The following FCF1 variants were observed in gnomAD, a reference collection of about 807,000 sequenced individuals.
FCF1 encodes the protein rRNA-processing protein FCF1 homolog.
Under a neutral mutation model 32.5 loss-of-function variants are expected in FCF1, and 17 were observed. The ratio of observed to expected loss-of-function variants is 0.52; its 90% confidence interval spans 0.36 to 0.78. FCF1 has a LOEUF of 0.78. FCF1 is among the 30% of genes least tolerant of loss of function. The pLI, the probability that FCF1 is intolerant of heterozygous loss-of-function variation, is 0.00. For missense variants in FCF1, 201 were observed against 241.1 expected (o/e 0.83, Z 1.10); for synonymous variants, 84 against 78.4 (o/e 1.07, Z -0.38).
intron 4 of FCF1, among the ~76,000 whole-genome samples, 187 bp from the exon 5 acceptor site, chr14:74,723,085 G>A (rs1352093773): frequency 6.6e-6 from 1 of 152,122 alleles, no homozygotes; most frequent in Non-Finnish European, 1.5e-5. Context: ...TCTGCAGTTT[G>A]GGGTTGGGAC....
intron 5 of FCF1, among the ~76,000 whole-genome samples, chr14:74,730,230 A>T (rs1210580105): frequency 3.7e-5 from 4 of 106,984 alleles, no homozygotes; most frequent in Non-Finnish European, 5.8e-5. Flanking sequence ...TTTTTTTTTT[A>T]AAGACAGATT....
intron 6 of FCF1, 114 bp downstream of exon 6, chr14:74,732,932 TA>T (rs957638729): frequency 4.5e-4 from 272 of 610,396 alleles, no homozygotes; most frequent in South Asian, 7.7e-4. Flanking sequence ...ATGGTTAAAT[TA>T]AAAAAAAATT....
chr14:74,721,903 T>G (rs2090509131), intron 4 of FCF1, among the ~76,000 whole-genome samples: 1 of 152,234 alleles, frequency 6.6e-6, no homozygotes, highest in East Asian at 1.9e-4. Context: ...TTCTTTAGGA[T>G]ACATTGTCTG....
chr14:74,731,167 G>A (rs991233803), intron 5 of FCF1, among the ~76,000 whole-genome samples: 11 of 152,066 alleles, frequency 7.2e-5, no homozygotes, highest in Admixed American at 4.6e-4. Flanking sequence ...AATAAAGAAT[G>A]AGAGGGGAAA....
At chr14:74,727,487 A>G (rs1370499920) in intron 5 of FCF1, among the ~76,000 whole-genome samples, 1 of 151,814 alleles carries the variant, frequency 6.6e-6, no homozygotes, top group Non-Finnish European at 1.5e-5. Flanking sequence ...GTTTGAGTTC[A>G]TTGTAGATTC....
chr14:74,733,123 C>G (rs2090659677), intron 6 of FCF1, among the ~76,000 whole-genome samples: 1 of 152,148 alleles, frequency 6.6e-6, no homozygotes, highest in Non-Finnish European at 1.5e-5. Flanking sequence ...TTCTTTATCT[C>G]ACAAATCTCT....
intron 5 of FCF1, among the ~76,000 whole-genome samples, chr14:74,725,722 C>G (rs1436650360): frequency 6.6e-6 from 1 of 151,822 alleles, no homozygotes; most frequent in Non-Finnish European, 1.5e-5. Flanking sequence ...ATCACGAGGT[C>G]AGGAGATCGA....
chr14:74,723,005 T>TA (rs1308204185), intron 4 of FCF1, among the ~76,000 whole-genome samples: 1 of 152,100 alleles, frequency 6.6e-6, no homozygotes, highest in Non-Finnish European at 1.5e-5. Context: ...ATCAGGAACT[T>TA]ACATTAATAT....
intron 2 of FCF1, 94 bp from the exon 3 acceptor site, chr14:74,714,778 C>CAA (rs35901005): frequency 1.1e-3 from 1,390 of 1,302,952 alleles, no homozygotes; most frequent in Non-Finnish European, 1.2e-3. Flanking sequence ...TTCAGTAGAC[C>CAA]AAAAAAAAAA....
Position 74,716,099 on chromosome 14 carries a change from T to A in FCF1, c.292T>A (p.Cys98Ser), listed in dbSNP as rs2090415549. 1.9e-6 allele frequency: 3 copies of A among 1,613,172 alleles called. No homozygotes were observed. Among genetic ancestry groups the A allele is most frequent in the South Asian group, 1.1e-5 (1 of 91,048 alleles). The change falls in exon 4 of 8, where the codon TGT (cysteine) becomes AGT (serine). Residue 98 changes from cysteine (C) to serine (S), a missense_variant and splice_region_variant. Coordinates refer to ENST00000341162, the MANE Select transcript of FCF1 (RefSeq NM_015962.5). ...QSMMDCLYAK[C>S]IPCITDCVMA... ...AATGATGGACTGTCTGTATGCCAAG[T>A]GTGAGTATCATACTTTTATGTTTCC...
At chr14:74,726,344 A>C (rs1392061514) in intron 5 of FCF1, among the ~76,000 whole-genome samples, 1 of 152,010 alleles carries the variant, frequency 6.6e-6, no homozygotes. Flanking sequence ...AAAATTAGCC[A>C]GGCATGGTGG....
chr14:74,716,687 T>C (rs1175535484), intron 4 of FCF1, among the ~76,000 whole-genome samples: 1 of 152,216 alleles, frequency 6.6e-6, no homozygotes, highest in African/African-American at 2.4e-5. Flanking sequence ...TTCACTACCA[T>C]GAACAGGAAA....
chr14:74,719,295 T>TAA (rs1199789675), intron 4 of FCF1, among the ~76,000 whole-genome samples: 2 of 141,702 alleles, frequency 1.4e-5, no homozygotes, highest in Non-Finnish European at 1.5e-5. Flanking sequence ...ACCCTGTCTT[T>TAA]AAAAAAAAAA....
intron 5 of FCF1, among the ~76,000 whole-genome samples, chr14:74,724,652 C>A (rs1209185083): frequency 2.0e-5 from 3 of 152,206 alleles, no homozygotes; most frequent in Non-Finnish European, 2.9e-5. Context: ...TGCCTGTAAT[C>A]CCAACACCTT....
intron 4 of FCF1, among the ~76,000 whole-genome samples, chr14:74,721,499 GAAACCAGCCTGACC>G (rs1296239009): frequency 2.0e-5 from 3 of 152,076 alleles, no homozygotes; most frequent in African/African-American, 7.2e-5. Flanking sequence ...TCAGGAGTTC[GAAACCAGCCTGACC>G]AACATGGTGA....
intron 6 of FCF1, among the ~76,000 whole-genome samples, chr14:74,733,052 C>T (rs556661086): frequency 1.3e-5 from 2 of 152,258 alleles, no homozygotes; most frequent in Admixed American, 1.3e-4. Flanking sequence ...GGGGAGGAGA[C>T]ATGGGTTTCA....
intron 5 of FCF1, among the ~76,000 whole-genome samples, chr14:74,727,811 C>G (rs1304875589): frequency 1.3e-5 from 2 of 151,864 alleles, no homozygotes; most frequent in East Asian, 3.8e-4. Context: ...GATCCAGTTT[C>G]AGCTTTCTAC....
At chr14:74,715,926 T>C (rs1393146735) in intron 3 of FCF1, 25 bp from the exon 4 acceptor site, 17 of 1,611,882 alleles carry the variant, frequency 1.1e-5, no homozygotes, top group Non-Finnish European at 1.4e-5. Flanking sequence ...AATTTTTCTT[T>C]GTTCTTGTTT....
intron 6 of FCF1, 71 bp from the exon 7 acceptor site, chr14:74,734,005 G>T: frequency 3.0e-6 from 3 of 984,932 alleles, no homozygotes; most frequent in Non-Finnish European, 3.3e-6. Flanking sequence ...GTCAGTCGTT[G>T]TGCCATTATC....
Sources: gnomAD v4.1 joint callset for allele counts (sites outside exome capture counted in the v4.1 genomes callset) on GRCh38, gnomAD v4.1.1 for gene constraint, MANE v1.5 for transcripts, NCBI Gene and HGNC (gene_info 2026-07-23, HGNC 2026-07-21) for gene names.